Variants in CYP11A1 observed in about 807,000 individuals in gnomAD.
The protein encoded by CYP11A1 is cytochrome P450 family 11 subfamily A member 1.
In CYP11A1, 25 loss-of-function variants were observed where a neutral mutation model predicts 51.9. The ratio of observed to expected loss-of-function variants is 0.48; its 90% confidence interval spans 0.35 to 0.67. CYP11A1 has a LOEUF of 0.67. Among genes scored for constraint, CYP11A1 ranks in the 30% least tolerant of loss-of-function variants. CYP11A1 has a pLI of 0.00. For missense variants in CYP11A1, 578 were observed against 680.9 expected (o/e 0.85, Z 1.68); for synonymous variants, 245 against 262.1 (o/e 0.93, Z 0.63).
intron 1 of CYP11A1, among the ~76,000 whole-genome samples, chr15:74,353,068 T>C (rs2060663117): frequency 6.6e-6 from 1 of 152,202 alleles, no homozygotes; most frequent in African/African-American, 2.4e-5. Flanking sequence ...AAATTTTACA[T>C]TACAAAGGAT....
intron 2 of CYP11A1, among the ~76,000 whole-genome samples, chr15:74,346,965 AATTTTTT>A (rs1018450710): frequency 1.3e-5 from 2 of 151,998 alleles, no homozygotes; most frequent in South Asian, 2.1e-4. Context: ...CACATCGGCT[AATTTTTT>A]ATTTTTTATT....
intron 1 of CYP11A1, among the ~76,000 whole-genome samples, chr15:74,358,671 G>A (rs1299890439): frequency 2.0e-5 from 3 of 152,176 alleles, no homozygotes; most frequent in Admixed American, 1.3e-4. Flanking sequence ...CACGTTCACC[G>A]GTTGGGTAGA....
chr15:74,338,051 G>C lies in CYP11A1; in HGVS notation c.1487C>G (p.Thr496Arg). The change falls in exon 9 of 9, where the codon ACA becomes AGA. Residue 496 changes from threonine (T) to arginine (R), a missense_variant. Transcript: ENST00000268053. ...EIQHLSDVGT[T>R]FNLILMPEKP... is the part of the protein sequence containing the mutation. ...TTCAGGCATCAGAATGAGGTTGAATGTGGTGCCCACATCGCTGAGGTGTTG... is the reference window on the plus strand; with the variant it reads ...TTCAGGCATCAGAATGAGGTTGAATCTGGTGCCCACATCGCTGAGGTGTTG... 6.2e-7 allele frequency: 1 copy of C among 1,614,188 alleles called. No individual in the cohort carries two copies. Among genetic ancestry groups the C allele is most frequent in the Non-Finnish European group, 8.5e-7 (1 of 1,180,012 alleles).
intron 1 of CYP11A1, chr15:74,361,812 T>G: frequency 8.3e-7 from 1 of 1,208,734 alleles, no homozygotes; most frequent in Non-Finnish European, 1.2e-6. Flanking sequence ...TGATGAGAAC[T>G]TCATCCTAAG....
chr15:74,365,008 C>T (rs1380207965), intron 1 of CYP11A1, among the ~76,000 whole-genome samples: 2 of 152,140 alleles, frequency 1.3e-5, no homozygotes, highest in Non-Finnish European at 2.9e-5. Flanking sequence ...CACAAACTAG[C>T]CTGCCTTCTC....
chr15:74,342,872 G>T, intron 5 of CYP11A1, 105 bp downstream of exon 5: 1 of 1,195,226 alleles, frequency 8.4e-7, no homozygotes, highest in Non-Finnish European at 1.2e-6. Context: ...TCCTACATGA[G>T]TAGGAACGCC....
intron 1 of CYP11A1, among the ~76,000 whole-genome samples, chr15:74,348,603 G>C (rs1334184003): frequency 6.6e-6 from 1 of 152,196 alleles, no homozygotes; most frequent in Non-Finnish European, 1.5e-5. Flanking sequence ...CTAAGAGTCA[G>C]AGGCCACCCA....
chr15:74,338,249 C>G (rs2060588574), intron 8 of CYP11A1, 146 bp from the exon 9 acceptor site: 2 of 941,228 alleles, frequency 2.1e-6, no homozygotes, highest in African/African-American at 3.2e-5. Context: ...TAACCCTGCA[C>G]AGTGCCTGAT....
chr15:74,337,953 T>C lies in CYP11A1; in HGVS notation c.*19A>G. 1 of 1,613,506 alleles carries C rather than the reference T, an allele frequency of 6.2e-7. No homozygotes were observed. The highest frequency in any genetic ancestry group is 8.5e-7 in the Non-Finnish European group (1 of 1,179,988). ...CCCCTGGGCCTTCCTCCCATGTGGC[T>C]GCAGGCCATCCTCTCTGATCACTGC... On this transcript the variant is annotated 3_prime_UTR_variant, in exon 9 of 9. Coordinates refer to ENST00000268053, the MANE Select transcript of CYP11A1 (RefSeq NM_000781.3).
At chr15:74,361,484 T>C (rs2060708484) in intron 1 of CYP11A1, 1 of 489,272 alleles carries the variant, frequency 2.0e-6, no homozygotes, top group South Asian at 2.2e-5. Flanking sequence ...TGAAATTGTT[T>C]AAAATAGTTT....
chr15:74,346,104 G>A (rs375572831), intron 2 of CYP11A1, among the ~76,000 whole-genome samples: 38 of 152,284 alleles, frequency 2.5e-4, no homozygotes, highest in African/African-American at 8.4e-4. Flanking sequence ...TGTAATCCCA[G>A]CATTTTGGGA....
intron 1 of CYP11A1, 119 bp downstream of exon 1, chr15:74,367,198 A>T: frequency 2.0e-6 from 2 of 983,992 alleles, no homozygotes; most frequent in Non-Finnish European, 1.5e-6. Flanking sequence ...AAAAAAAAAG[A>T]AGTTAGACAG....
rs2060628374 is a variant in CYP11A1, at chr15:74,345,361, C to A, written c.426-118G>T. ...GTCACAGCTCACAGCATCCAGCACT[C>A]CCACCAGGGCCTCTGCCCTCACCTC... On this transcript the variant is annotated intron_variant, in intron 2 of 8. Transcript: ENST00000268053. This position sits in a 1 kb window ranked among gnomAD's most constrained non-coding sequence, Gnocchi z 4.3. 1.9e-6 allele frequency: 2 copies of A among 1,042,454 alleles called. No individual in the cohort carries two copies. The highest frequency in any genetic ancestry group is 5.2e-5 in the East Asian group (2 of 38,550). The allele number at this position is 1,042,454 out of a possible 1,614,324, so 64.6% of individuals were successfully genotyped here.
intron 1 of CYP11A1, among the ~76,000 whole-genome samples, chr15:74,351,358 A>G (rs572385679): frequency 9.2e-5 from 14 of 152,216 alleles, no homozygotes; most frequent in Non-Finnish European, 1.9e-4. Flanking sequence ...CCTGATCCCT[A>G]CATGCGGTGC....
chr15:74,338,849 G>T, intron 7 of CYP11A1, 81 bp from the exon 8 acceptor site: 2 of 1,293,810 alleles, frequency 1.5e-6, no homozygotes, highest in South Asian at 1.2e-5. Context: ...CTAGTCCCCT[G>T]CCCTCTCACC....
intron 5 of CYP11A1, among the ~76,000 whole-genome samples, chr15:74,342,034 T>C: frequency 6.6e-6 from 1 of 152,216 alleles, no homozygotes; most frequent in East Asian, 1.9e-4. Flanking sequence ...ACAGCGGCCC[T>C]AGCAAACCAG....
At chr15:74,366,460 TTTTATTTATTTA>T (rs45509005) in intron 1 of CYP11A1, among the ~76,000 whole-genome samples, 187 of 137,738 alleles carry the variant, frequency 1.4e-3, no homozygotes, top group South Asian at 4.8e-3. Flanking sequence ...ATTTTTTTTA[TTTTATTTATTTA>T]TTTATTTATT....
chr15:74,351,875 T>C (rs1194130851), intron 1 of CYP11A1, among the ~76,000 whole-genome samples: 2 of 152,200 alleles, frequency 1.3e-5, no homozygotes, highest in African/African-American at 4.8e-5. Context: ...CCTTTAAAAA[T>C]CAAACTGCCA....
intron 1 of CYP11A1, among the ~76,000 whole-genome samples, chr15:74,352,779 C>A (rs1462158857): frequency 6.6e-6 from 1 of 152,224 alleles, no homozygotes; most frequent in Non-Finnish European, 1.5e-5. Context: ...CTTTCAGGAC[C>A]AAACCAATGT....
Sources: gnomAD v4.1 joint callset for allele counts (sites outside exome capture counted in the v4.1 genomes callset) on GRCh38, gnomAD v4.1.1 for gene constraint, Gnocchi (gnomAD v3.1) non-coding constraint, MANE v1.5 for transcripts, NCBI Gene and HGNC (gene_info 2026-07-23, HGNC 2026-07-21) for gene names.